Variants in IDO2 observed in about 807,000 individuals in gnomAD.
IDO2 encodes the protein indoleamine 2,3-dioxygenase 2.
Under a neutral mutation model 45.1 loss-of-function variants are expected in IDO2, and 46 were observed. That is an observed-to-expected ratio of 1.02 (90% CI 0.80 to 1.30). IDO2 has a LOEUF of 1.30. Ranked by LOEUF, IDO2 falls within the 50% of genes most tolerant of loss-of-function variation. The pLI, the probability that IDO2 is intolerant of heterozygous loss-of-function variation, is 0.00. For missense variants in IDO2, 544 were observed against 491.8 expected (o/e 1.11, Z -1.00); for synonymous variants, 218 against 184.9 (o/e 1.18, Z -1.45).
chr8:39,971,053 T>C (rs141317292), intron 3 of IDO2, among the ~76,000 whole-genome samples: 4,525 of 152,178 alleles, frequency 0.03, 219 homozygotes, highest in African/African-American at 0.1. Flanking sequence ...TGTGAGCCAC[T>C]GCGCCCGGCC....
At chr8:39,966,653 T>C (rs1233080832) in intron 3 of IDO2, among the ~76,000 whole-genome samples, 1 of 152,194 alleles carries the variant, frequency 6.6e-6, no homozygotes, top group East Asian at 1.9e-4. Flanking sequence ...TATCTGTATC[T>C]TGAAACAAAA....
intron 2 of IDO2, among the ~76,000 whole-genome samples, chr8:39,960,997 A>G (rs1001953107): frequency 6.6e-6 from 1 of 152,068 alleles, no homozygotes; most frequent in African/African-American, 2.4e-5. Flanking sequence ...GTTAGCCAGG[A>G]TGGTCTTGAT....
chr8:40,013,565 A>T lies in IDO2; in HGVS notation c.720A>T (p.Gly240=). ...TCTCTCTCACTTTTCTCTTGCTTAGATGGAAAGACAACCCAGCAATGCCTG... is the reference window on the plus strand; with the variant it reads ...TCTCTCTCACTTTTCTCTTGCTTAGTTGGAAAGACAACCCAGCAATGCCTG... Residue 240 remains glycine, a splice_region_variant and synonymous_variant, in exon 10 of 11, where the codon GGA becomes GGT. Transcript: ENST00000502986. The T allele has an allele frequency of 1.9e-6, 3 of 1,612,236 alleles. No homozygotes were observed. In the South Asian group the frequency reaches 3.3e-5, roughly 18 times the overall value.
At chr8:39,969,600 C>T (rs538360198) in intron 3 of IDO2, among the ~76,000 whole-genome samples, 1 of 152,318 alleles carries the variant, frequency 6.6e-6, no homozygotes, top group South Asian at 2.1e-4. Flanking sequence ...AGAGGCTGGT[C>T]ATGGTGGCTC....
intron 1 of IDO2, among the ~76,000 whole-genome samples, chr8:39,946,490 C>A (rs961744783): frequency 3.9e-5 from 6 of 152,124 alleles, no homozygotes; most frequent in African/African-American, 7.2e-5. Context: ...ACCTGTAGTC[C>A]CAGCTACTCG....
At position 39,962,604 on chromosome 8, in the gene IDO2, G is replaced by A. The variant is rs149366540; in HGVS notation, c.100-1004G>A. Among the ~76,000 whole-genome samples, 51 of 152,296 alleles carry A rather than the reference G, an allele frequency of 3.3e-4. No individual in the cohort carries two copies. In the East Asian group the frequency reaches 7.9e-3, roughly 24 times the overall value. ...ATTAGGCAGGTGGACATAGTGAAGG[G>A]TGAGGATGACGGAATTTATTAAGCA... is the stretch of plus-strand genomic sequence containing the variant. On this transcript the variant is annotated intron_variant, in intron 2 of 10. Coordinates refer to ENST00000502986, the Ensembl canonical transcript of IDO2.
intron 8 of IDO2, among the ~76,000 whole-genome samples, chr8:40,001,672 C>T (rs1802139735): frequency 1.3e-5 from 2 of 151,880 alleles, no homozygotes; most frequent in Admixed American, 1.3e-4. Flanking sequence ...TTGTCTTATG[C>T]CTTTTGAAAG....
chr8:40,014,259 A>G (rs1345378457), intron 10 of IDO2, among the ~76,000 whole-genome samples: 1 of 152,258 alleles, frequency 6.6e-6, no homozygotes, highest in Non-Finnish European at 1.5e-5. Flanking sequence ...GGATTAGAAG[A>G]AAAAGAATCA....
At position 39,979,077 on chromosome 8, in the gene IDO2, T is replaced by A. The variant is rs1189561745; in HGVS notation, c.206T>A (p.Leu69Gln). 3 of 1,586,046 alleles carry A rather than the reference T, an allele frequency of 1.9e-6. No homozygotes were observed. The East Asian group carries it at 6.9e-5, about 36-fold the overall frequency. ...GACTTTCATGAACAGATGCCCCTGC[T>A]GAGCTGCCAGTTCCTGAAGGGTCAC... The change falls in exon 4 of 11, where the codon CTG becomes CAG. Residue 69 changes from leucine (L) to glutamine (Q), a missense_variant. Physicochemically the swap from Leu to Gln is moderately radical, Grantham distance 113 (BLOSUM62 -2). Transcript: ENST00000502986.
intron 1 of IDO2, among the ~76,000 whole-genome samples, chr8:39,941,273 C>G (rs577848055): frequency 1.4e-5 from 2 of 145,390 alleles, no homozygotes; most frequent in South Asian, 2.2e-4. Flanking sequence ...AGGCATGCGA[C>G]AATACTCCCG....
intron 2 of IDO2, among the ~76,000 whole-genome samples, chr8:39,952,260 A>C (rs10958577): frequency 0.03 from 4,579 of 152,248 alleles, 95 homozygotes; most frequent in Non-Finnish European, 0.045. Context: ...GCTCAAGGGG[A>C]CACCAGATCT....
At chr8:39,961,694 A>G (rs1231919731) in intron 2 of IDO2, among the ~76,000 whole-genome samples, 1 of 152,156 alleles carries the variant, frequency 6.6e-6, no homozygotes, top group African/African-American at 2.4e-5. Flanking sequence ...GCACAGTCAT[A>G]TCTTTTGATT....
intron 8 of IDO2, among the ~76,000 whole-genome samples, chr8:39,999,911 G>A (rs1244879968): frequency 2.0e-5 from 3 of 152,196 alleles, no homozygotes; most frequent in African/African-American, 7.2e-5. Context: ...TACTTTTGGT[G>A]AGAGGAATTG....
chr8:39,972,868 C>T (rs1053280133), intron 3 of IDO2, among the ~76,000 whole-genome samples: 3 of 152,050 alleles, frequency 2.0e-5, no homozygotes, highest in African/African-American at 7.2e-5. Flanking sequence ...CATATTTTAG[C>T]AATAAAGTAC....
intron 9 of IDO2, among the ~76,000 whole-genome samples, chr8:40,011,401 T>C (rs1241924018): frequency 6.6e-6 from 1 of 152,218 alleles, no homozygotes; most frequent in Non-Finnish European, 1.5e-5. Context: ...GACCCGAACA[T>C]GTGTGCCCAT....
chr8:40,000,318 G>A (rs1031964443), intron 8 of IDO2, among the ~76,000 whole-genome samples: 5 of 151,896 alleles, frequency 3.3e-5, no homozygotes, highest in African/African-American at 1.2e-4. Flanking sequence ...GCTGAGGCAG[G>A]AGAATCGCTT....
At chr8:39,941,282 C>A (rs1290027420) in intron 1 of IDO2, among the ~76,000 whole-genome samples, 1 of 149,046 alleles carries the variant, frequency 6.7e-6, no homozygotes, top group East Asian at 2.0e-4. Flanking sequence ...ACAATACTCC[C>A]GGCTCTCTTT....
chr8:39,986,583 A>G (rs543530248), intron 6 of IDO2: 1 of 152,096 alleles, frequency 6.6e-6, no homozygotes, highest in East Asian at 1.9e-4. Flanking sequence ...GGTTTTGTAG[A>G]TGTTTTACTC....
intron 2 of IDO2, among the ~76,000 whole-genome samples, chr8:39,960,931 C>T (rs11775316): frequency 0.15 from 23,167 of 151,896 alleles, 1,947 homozygotes; most frequent in East Asian, 0.27. Flanking sequence ...TACAGGTGCC[C>T]GCCAACACGC....
Sources: gnomAD v4.1 joint callset for allele counts (sites outside exome capture counted in the v4.1 genomes callset) on GRCh38, gnomAD v4.1.1 for gene constraint, MANE v1.5 for transcripts, NCBI Gene and HGNC (gene_info 2026-07-23, HGNC 2026-07-21) for gene names.